The following ZFYVE28 variants were observed in gnomAD, a reference collection of about 807,000 sequenced individuals.
The protein encoded by ZFYVE28 is lateral signaling target protein 2 homolog.
In ZFYVE28, 40 loss-of-function variants were observed where a neutral mutation model predicts 82.1. That is an observed-to-expected ratio of 0.49 (90% CI 0.38 to 0.63). The LOEUF is 0.63. ZFYVE28 is among the 30% of genes least tolerant of loss of function. The pLI is 0.00. For missense variants in ZFYVE28, 1,321 were observed against 1,242.1 expected (o/e 1.06, Z -0.96); for synonymous variants, 612 against 546.1 (o/e 1.12, Z -1.68).
chr4:2,381,146 C>G (rs1244631069), intron 1 of ZFYVE28, among the ~76,000 whole-genome samples: 1 of 144,482 alleles, frequency 6.9e-6, no homozygotes, highest in African/African-American at 2.5e-5. Context: ...GAGGTGGTCT[C>G]AGGTGGAGAT....
At chr4:2,304,059 C>G (rs941670135) in intron 8 of ZFYVE28, among the ~76,000 whole-genome samples, 3 of 152,234 alleles carry the variant, frequency 2.0e-5, no homozygotes, top group Admixed American at 2.0e-4. Context: ...GAAGCGGGCC[C>G]GCTGGCGCAC....
intron 3 of ZFYVE28, among the ~76,000 whole-genome samples, chr4:2,340,899 G>A (rs1380885796): frequency 6.6e-6 from 1 of 152,138 alleles, no homozygotes; most frequent in Non-Finnish European, 1.5e-5. Flanking sequence ...CGGCACAATA[G>A]AGAGGGTGGC....
Position 2,320,249 on chromosome 4 carries a change from C to T in ZFYVE28, c.724G>A (p.Gly242Arg). 1.9e-6 allele frequency: 3 copies of T among 1,614,066 alleles called. No homozygotes were observed. Among genetic ancestry groups the T allele is most frequent in the Middle Eastern group, 1.6e-4 (1 of 6,062 alleles). ...ACCTTGCGGTCCAAGTTCAGAGGTC[C>T]GTCCGCATAGACCACGAGGCCACTG... ...IVCGLVVYADGPLNLDRKVED... is the reference protein window; with the variant it reads ...IVCGLVVYADRPLNLDRKVED... The change falls in exon 7 of 13, where the codon GGA (glycine) becomes AGA (arginine). Residue 242 changes from glycine to arginine, a missense_variant. By Grantham distance (125) the Gly-to-Arg change is moderately radical (BLOSUM62 -2). Around this residue, in one of 2 missense-constraint regions of ZFYVE28, gnomAD observed 343 missense variants for 408.4 expected, o/e 0.84. Transcript: ENST00000290974. This position sits in a 1 kb window ranked among gnomAD's most constrained non-coding sequence, Gnocchi z 5.1.
In ZFYVE28 at chr4:2,304,892, T is replaced by C. The variant is rs1716299304; in HGVS notation, c.1448A>G (p.Asp483Gly). The change falls in exon 8 of 13, where the codon GAC becomes GGC. Residue 483 changes from aspartate to glycine, a missense_variant. Asp to Gly is a moderately conservative substitution (Grantham distance 94). This residue lies in a region of ZFYVE28 where 978 missense variants were observed against 833.7 expected (regional missense o/e 1.17). Transcript: ENST00000290974. ...LAGTSSCSCL[D>G]SRLHLDGWEV... Reference sequence around the variant, plus strand: ...CCAGCCGTCCAGGTGCAGCCGCGAGTCCAGGCAGCTGCAGGAGCTGGTGCC... The same window carrying C: ...CCAGCCGTCCAGGTGCAGCCGCGAGCCCAGGCAGCTGCAGGAGCTGGTGCC... 4 of 1,612,592 alleles carry C rather than the reference T, an allele frequency of 2.5e-6. No individual in the cohort carries two copies. The highest frequency in any genetic ancestry group is 3.4e-6 in the Non-Finnish European group (4 of 1,179,846).
intron 7 of ZFYVE28, among the ~76,000 whole-genome samples, chr4:2,318,713 G>A (rs1337125903): frequency 6.6e-6 from 1 of 152,104 alleles, no homozygotes; most frequent in African/African-American, 2.4e-5. Flanking sequence ...CCACATCAGG[G>A]CCCCTGGGTG....
rs3118613 is a variant in ZFYVE28, at chr4:2,341,423, T to A, written c.318+55A>T. On this transcript the variant is annotated intron_variant, in intron 3 of 12. Coordinates refer to ENST00000290974, the MANE Select transcript of ZFYVE28 (RefSeq NM_020972.3). The surrounding 1 kb of genome is among the most constrained non-coding windows in gnomAD (Gnocchi z 4.5). ...GCCCATGCACAAGGTTCGCAGGGAC[T>A]TGGCTAGACGCCACCCCACATCAGG... 310,903 of 1,600,848 alleles carry A rather than the reference T, an allele frequency of 0.19. 31,132 individuals carry two copies. The highest frequency in any genetic ancestry group is 0.3 in the Middle Eastern group (1,348 of 4,480).
At chr4:2,379,756 T>C (rs562362089) in intron 1 of ZFYVE28, among the ~76,000 whole-genome samples, 2 of 152,356 alleles carry the variant, frequency 1.3e-5, no homozygotes, top group East Asian at 3.9e-4. Flanking sequence ...TACATATTTA[T>C]AAATCTATAA....
intron 4 of ZFYVE28, among the ~76,000 whole-genome samples, chr4:2,337,886 A>ACACACACACACACACACC (rs1427805627): frequency 6.6e-6 from 1 of 151,814 alleles, no homozygotes; most frequent in East Asian, 1.9e-4. Flanking sequence ...ATACACACAC[A>ACACACACACACACACACC]CACCCTACAC....
In ZFYVE28 at chr4:2,409,799, C is replaced by G. The variant is rs926478742; in HGVS notation, c.39+8486G>C. ...CAATCCCAGACACAGAACTCCTTCA[C>G]GCTGTCTTCTGGAAGCCCCAGGACA... On this transcript the variant is annotated intron_variant, in intron 1 of 12. Transcript: ENST00000290974. This position sits in a 1 kb window ranked among gnomAD's most constrained non-coding sequence, Gnocchi z 4.4. Among the ~76,000 whole-genome samples, 5 of 152,258 alleles carry G rather than the reference C, an allele frequency of 3.3e-5. No homozygotes were observed. The highest frequency in any genetic ancestry group is 1.2e-4 in the African/African-American group (5 of 41,470).
intron 7 of ZFYVE28, among the ~76,000 whole-genome samples, chr4:2,315,263 C>CCT (rs1004401434): frequency 2.0e-5 from 3 of 152,152 alleles, no homozygotes. Context: ...TGGTTGTCAG[C>CCT]TATTTTCCTT....
chr4:2,318,363 G>T (rs558787934), intron 7 of ZFYVE28, among the ~76,000 whole-genome samples: 2 of 152,290 alleles, frequency 1.3e-5, no homozygotes, highest in African/African-American at 4.8e-5. Flanking sequence ...TTCAAGACCA[G>T]CCTGACCAGC....
At chr4:2,343,241 G>A (rs542432744) in intron 2 of ZFYVE28, 30 of 152,306 alleles carry the variant, frequency 2.0e-4, no homozygotes, top group African/African-American at 6.7e-4. Context: ...TGCAAACTGC[G>A]TTTCCAGGCT....
At chr4:2,410,572 T>TG (rs1364747937) in intron 1 of ZFYVE28, among the ~76,000 whole-genome samples, 1 of 151,620 alleles carries the variant, frequency 6.6e-6, no homozygotes, top group Non-Finnish European at 1.5e-5. Flanking sequence ...CTCGGCTCAC[T>TG]GCAAGCTCCG....
intron 8 of ZFYVE28, among the ~76,000 whole-genome samples, chr4:2,284,032 T>C (rs1712360991): frequency 1.3e-5 from 2 of 152,228 alleles, no homozygotes; most frequent in East Asian, 1.9e-4. Context: ...CGCAATTCCC[T>C]GTAGGCTACA....
In ZFYVE28 at chr4:2,304,860, C is replaced by T; in HGVS notation, c.1480G>A (p.Gly494Ser). 1 of 1,612,686 alleles carries T rather than the reference C, an allele frequency of 6.2e-7. No homozygotes were observed. The highest frequency in any genetic ancestry group is 8.5e-7 in the Non-Finnish European group (1 of 1,179,874). Residue 494 changes from glycine to serine, a missense_variant, in exon 8 of 13, where the codon GGT becomes AGT. By Grantham distance (56) the Gly-to-Ser change is moderately conservative (BLOSUM62 0). Transcript: ENST00000290974. The stretch of plus-strand genomic sequence containing the variant: ...TCAGCCGTCTCTGCGTCATCCGCAC[C>T]CACCTCCCAGCCGTCCAGGTGCAGC... Reference protein sequence around the residue: ...SRLHLDGWEVGADDAETAEMI... With the variant: ...SRLHLDGWEVSADDAETAEMI...
At chr4:2,291,340 A>G (rs534240937) in intron 8 of ZFYVE28, among the ~76,000 whole-genome samples, 3 of 151,996 alleles carry the variant, frequency 2.0e-5, no homozygotes, top group African/African-American at 7.3e-5. Context: ...GAGGAAAACG[A>G]CCCCTTGAGA....
At chr4:2,391,051 G>A (rs747900141) in intron 1 of ZFYVE28, among the ~76,000 whole-genome samples, 2 of 152,214 alleles carry the variant, frequency 1.3e-5, no homozygotes, top group Admixed American at 6.5e-5. Flanking sequence ...TCTGCAAGGC[G>A]CCAGAGACCT....
At chr4:2,399,130 T>TGGGGGGTGAGATCTAAGGCACAAGGAG (rs144176975) in intron 1 of ZFYVE28, among the ~76,000 whole-genome samples, 18,942 of 104,506 alleles carry the variant, frequency 0.18, 2,244 homozygotes, top group African/African-American at 0.32. Context: ...GGGCACAAGC[T>TGGGGGGTGAGATCTAAGGCACAAGGAG]GGGTGGTGAG....
intron 8 of ZFYVE28, chr4:2,295,723 C>T (rs1714453652): frequency 6.6e-6 from 1 of 152,562 alleles, no homozygotes; most frequent in African/African-American, 2.4e-5. Flanking sequence ...ATTCAGGCCT[C>T]AGCAAATGTC....
Sources: gnomAD v4.1 joint callset for allele counts (sites outside exome capture counted in the v4.1 genomes callset) on GRCh38, gnomAD v4.1.1 for gene constraint, gnomAD v4.1.1 regional missense constraint, Gnocchi (gnomAD v3.1) non-coding constraint, MANE v1.5 for transcripts, NCBI Gene and HGNC (gene_info 2026-07-23, HGNC 2026-07-21) for gene names.